The following FBXW11 variants were observed in gnomAD, a reference collection of about 807,000 sequenced individuals.
The protein encoded by FBXW11 is F-box/WD repeat-containing protein 11.
Under a neutral mutation model 77.6 loss-of-function variants are expected in FBXW11, and 19 were observed. The observed-to-expected ratio is 0.24, with a 90% CI of 0.17 to 0.36. The LOEUF (loss-of-function observed/expected upper bound fraction) is 0.36, where lower values mean the gene tolerates loss of function less well. Among genes scored for constraint, FBXW11 ranks in the 10% least tolerant of loss-of-function variants. The probability of loss-of-function intolerance (pLI) is 1.00; values close to 1 mark genes in which losing one functional copy is unlikely to be tolerated. For synonymous variants in FBXW11, 235 were observed against 249.4 expected (o/e 0.94, Z 0.54); for missense variants, 334 against 704.2 (o/e 0.47, Z 5.95).
intron 1 of FBXW11, among the ~76,000 whole-genome samples, chr5:172,001,694 C>A (rs1766422366): frequency 6.6e-6 from 1 of 152,166 alleles, no homozygotes; most frequent in Non-Finnish European, 1.5e-5. Flanking sequence ...GACACAAAAA[C>A]CAGACAGTCT....
intron 3 of FBXW11, among the ~76,000 whole-genome samples, chr5:171,911,932 C>CTA (rs1361681907): frequency 6.6e-6 from 1 of 152,174 alleles, no homozygotes; most frequent in African/African-American, 2.4e-5. Flanking sequence ...CTATTGACCA[C>CTA]TATTCTGACA....
At chr5:171,906,746 G>C (rs1760552887) in intron 4 of FBXW11, among the ~76,000 whole-genome samples, 1 of 152,196 alleles carries the variant, frequency 6.6e-6, no homozygotes, top group East Asian at 1.9e-4. Context: ...TAAGGGCTAG[G>C]ATTCAAACCA....
intron 7 of FBXW11, among the ~76,000 whole-genome samples, chr5:171,888,916 T>TAGAGATGA (rs991989916): frequency 1.3e-5 from 2 of 152,126 alleles, no homozygotes; most frequent in South Asian, 4.2e-4. Flanking sequence ...AACAGGAGAA[T>TAGAGATGA]AGAGATGAAG....
intron 2 of FBXW11, among the ~76,000 whole-genome samples, chr5:171,928,741 G>A (rs568479150): frequency 1.3e-5 from 2 of 152,332 alleles, no homozygotes; most frequent in East Asian, 3.9e-4. Flanking sequence ...GAAGGACAAA[G>A]CTAGAATATC....
intron 6 of FBXW11, among the ~76,000 whole-genome samples, chr5:171,896,215 G>T (rs779864635): frequency 1.3e-5 from 2 of 152,064 alleles, no homozygotes; most frequent in Non-Finnish European, 2.9e-5. Context: ...CCAAGCTGTC[G>T]AGGTGGAGGA....
intron 4 of FBXW11, among the ~76,000 whole-genome samples, chr5:171,903,705 A>G (rs1298101075): frequency 6.6e-6 from 1 of 151,822 alleles, no homozygotes; most frequent in African/African-American, 2.4e-5. Flanking sequence ...GAGTACAGTG[A>G]CATGATCATG....
intron 4 of FBXW11, among the ~76,000 whole-genome samples, chr5:171,906,352 C>T (rs1760520514): frequency 1.3e-5 from 2 of 152,142 alleles, no homozygotes; most frequent in Admixed American, 6.5e-5. Context: ...ACTTGGAAAA[C>T]ACCAACCTAA....
intron 2 of FBXW11, among the ~76,000 whole-genome samples, chr5:171,951,305 T>C (rs1030935839): frequency 3.3e-5 from 5 of 151,862 alleles, no homozygotes; most frequent in African/African-American, 9.7e-5. Context: ...GGAGGCTGAA[T>C]TGGGAGGATC....
At chr5:171,933,683 G>C (rs1001414949) in intron 2 of FBXW11, among the ~76,000 whole-genome samples, 2 of 152,150 alleles carry the variant, frequency 1.3e-5, no homozygotes, top group African/African-American at 4.8e-5. Context: ...AGGATACAAA[G>C]CCTTTCCTCC....
intron 1 of FBXW11, among the ~76,000 whole-genome samples, chr5:172,001,809 T>A (rs1009845913): frequency 6.6e-6 from 1 of 152,222 alleles, no homozygotes; most frequent in Non-Finnish European, 1.5e-5. Flanking sequence ...TGCTGAGATA[T>A]AACCTAAGCC....
chr5:172,006,436 C>T (rs774862625), intron 1 of FBXW11, 22 bp downstream of exon 1: 13 of 1,533,688 alleles, frequency 8.5e-6, no homozygotes, highest in Non-Finnish European at 1.1e-5. Flanking sequence ...GAAGCACAGA[C>T]GGTCCAGCGG....
At chr5:172,004,733 G>A (rs1319802627) in intron 1 of FBXW11, among the ~76,000 whole-genome samples, 1 of 151,990 alleles carries the variant, frequency 6.6e-6, no homozygotes, top group Non-Finnish European at 1.5e-5. Flanking sequence ...ATACTTAGTC[G>A]ATTTAAGATA....
chr5:172,005,224 A>G (rs1046444338), intron 1 of FBXW11, among the ~76,000 whole-genome samples: 1 of 152,214 alleles, frequency 6.6e-6, no homozygotes, highest in African/African-American at 2.4e-5. Context: ...TGGCTAGGAA[A>G]ACATTTTGCT....
At chr5:171,957,398 C>T (rs1057496857) in intron 2 of FBXW11, among the ~76,000 whole-genome samples, 199 bp downstream of exon 2, 1 of 152,024 alleles carries the variant, frequency 6.6e-6, no homozygotes, top group Non-Finnish European at 1.5e-5. Context: ...AGGACAGGGC[C>T]CAGCCAAAGA....
chr5:171,943,992 C>T (rs1368746468), intron 2 of FBXW11, among the ~76,000 whole-genome samples: 1 of 152,122 alleles, frequency 6.6e-6, no homozygotes, highest in Non-Finnish European at 1.5e-5. Flanking sequence ...GGAAATATAT[C>T]CTAGCTAATT....
intron 2 of FBXW11, among the ~76,000 whole-genome samples, chr5:171,926,576 C>G (rs1344351706): frequency 1.3e-5 from 2 of 152,220 alleles, no homozygotes; most frequent in Admixed American, 1.3e-4. Flanking sequence ...CCTCACCACT[C>G]TCTCTTCCTC....
intron 2 of FBXW11, among the ~76,000 whole-genome samples, chr5:171,955,517 CTGTT>C (rs923697337): frequency 2.6e-5 from 4 of 152,128 alleles, no homozygotes; most frequent in Admixed American, 6.5e-5. Context: ...AATTTTAGCA[CTGTT>C]TGGAGACTGG....
chr5:171,946,162 T>C (rs1762997888), intron 2 of FBXW11, among the ~76,000 whole-genome samples: 1 of 152,206 alleles, frequency 6.6e-6, no homozygotes, highest in African/African-American at 2.4e-5. Context: ...CAGGGAAATC[T>C]TGCCTGAGCT....
At chr5:171,983,546 ATCTC>A (rs1765268829) in intron 1 of FBXW11, among the ~76,000 whole-genome samples, 1 of 151,970 alleles carries the variant, frequency 6.6e-6, no homozygotes, top group African/African-American at 2.4e-5. Flanking sequence ...ATCGGACACT[ATCTC>A]TAGGTAGATT....
Sources: gnomAD v4.1 joint callset for allele counts (sites outside exome capture counted in the v4.1 genomes callset) on GRCh38, gnomAD v4.1.1 for gene constraint, MANE v1.5 for transcripts, NCBI Gene and HGNC (gene_info 2026-07-23, HGNC 2026-07-21) for gene names.